The following SFMBT2 variants were observed in gnomAD, a reference collection of about 807,000 sequenced individuals.
SFMBT2 encodes the protein Scm like with four mbt domains 2.
Under a neutral mutation model 110.1 loss-of-function variants are expected in SFMBT2, and 38 were observed. The observed-to-expected ratio is 0.35, with a 90% CI of 0.27 to 0.45. The LOEUF (loss-of-function observed/expected upper bound fraction) is 0.45. Among genes scored for constraint, SFMBT2 ranks in the 20% least tolerant of loss-of-function variants. The probability of loss-of-function intolerance (pLI) is 1.00; values close to 1 mark genes in which losing one functional copy is unlikely to be tolerated. For missense variants in SFMBT2, 1,011 were observed against 1,094.9 expected, an observed-to-expected ratio of 0.92 and a Z score of 1.08; for synonymous variants, 425 against 425.4, an observed-to-expected ratio of 1.00 and a Z score of 0.01.
intron 16 of SFMBT2, among the ~76,000 whole-genome samples, chr10:7,185,285 C>G (rs1838364402): frequency 6.6e-6 from 1 of 152,174 alleles, no homozygotes; most frequent in Non-Finnish European, 1.5e-5. Flanking sequence ...GTTTTCAGGA[C>G]AGCAAACTAC....
Position 7,220,983 on chromosome 10 carries a change from T to C in SFMBT2, c.1204-446A>G, listed in dbSNP as rs563145330. ...CTGGGACTACAGGCACCTGCCATCA[T>C]GCCTGGCTAATTTTTTGTATTTTTA... On this transcript the variant is annotated intron_variant, in intron 10 of 20. Coordinates refer to ENST00000397167, the MANE Select transcript of SFMBT2 (RefSeq NM_001387889.1). Among the ~76,000 whole-genome samples, 8 of 152,122 alleles carry C rather than the reference T, an allele frequency of 5.3e-5. No individual in the cohort carries two copies. The East Asian group carries it at 1.4e-3, about 26-fold the overall frequency.
At chr10:7,200,667 T>C (rs575362583) in intron 13 of SFMBT2, among the ~76,000 whole-genome samples, 183 bp from the exon 14 acceptor site, 1 of 152,356 alleles carries the variant, frequency 6.6e-6, no homozygotes, top group South Asian at 2.1e-4. Flanking sequence ...TTCAGAAAAG[T>C]TGTTGTCCAA....
intron 11 of SFMBT2, among the ~76,000 whole-genome samples, chr10:7,216,259 T>C (rs1309350844): frequency 6.6e-6 from 1 of 152,156 alleles, no homozygotes; most frequent in African/African-American, 2.4e-5. Context: ...TCATCTTGAA[T>C]TGTAGCTCCC....
At chr10:7,210,214 C>T (rs773370578) in intron 11 of SFMBT2, among the ~76,000 whole-genome samples, 4 of 152,134 alleles carry the variant, frequency 2.6e-5, no homozygotes, top group Non-Finnish European at 5.9e-5. Flanking sequence ...TGACTGTAAT[C>T]GAGACAGTGA....
intron 4 of SFMBT2, among the ~76,000 whole-genome samples, chr10:7,315,858 TAATGTA>T (rs1451573454): frequency 1.3e-5 from 2 of 152,220 alleles, no homozygotes. Context: ...CTAGAAGTCT[TAATGTA>T]AAACCTGTAC....
rs1009352337 is a variant in SFMBT2, at chr10:7,301,499, T to C, written c.437-15545A>G. Among the ~76,000 whole-genome samples the C allele has an allele frequency of 5.6e-4, 86 of 152,328 alleles. No homozygotes were observed. The highest frequency in any genetic ancestry group is 1.9e-3 in the African/African-American group (81 of 41,570). ...CACAGGCCTGAAGGGGCCTGGGCTG[T>C]ATCTGCACACTCAGCCATCGGCAGT... On this transcript the variant is annotated intron_variant, in intron 4 of 20. Transcript: ENST00000397167. The surrounding 1 kb of genome is among the most constrained non-coding windows in gnomAD (Gnocchi z 4.2).
At chr10:7,320,183 C>T (rs1843143433) in intron 4 of SFMBT2, among the ~76,000 whole-genome samples, 1 of 152,254 alleles carries the variant, frequency 6.6e-6, no homozygotes, top group Non-Finnish European at 1.5e-5. Flanking sequence ...CACTGTCATA[C>T]ATGCGAAGTG....
intron 16 of SFMBT2, among the ~76,000 whole-genome samples, chr10:7,179,843 T>G (rs1338767090): frequency 6.6e-6 from 1 of 152,260 alleles, no homozygotes; most frequent in Non-Finnish European, 1.5e-5. Context: ...AACAAGTGTT[T>G]CAGTAAAAAC....
rs567127592 is a variant in SFMBT2 at position 7,179,444 on chromosome 10, C to T, written c.1809-3279G>A. On this transcript the variant is annotated intron_variant, in intron 16 of 20. Transcript: ENST00000397167. ...AAAGAAACAGCACAACTGGGAACAC[C>T]GTATGTTCCTCGTGTTGTGGGAAAT... Among the ~76,000 whole-genome samples the T allele has an allele frequency of 2.6e-4, 39 of 148,058 alleles. No homozygotes were observed. The South Asian group carries it at 4.3e-3, about 16-fold the overall frequency.
chr10:7,208,484 A>C (rs1232236217), intron 11 of SFMBT2, among the ~76,000 whole-genome samples: 1 of 152,194 alleles, frequency 6.6e-6, no homozygotes, highest in African/African-American at 2.4e-5. Context: ...CAGGAGTTCA[A>C]GACCAGCCTG....
intron 4 of SFMBT2, among the ~76,000 whole-genome samples, chr10:7,310,321 C>T (rs971957634): frequency 1.3e-5 from 2 of 152,180 alleles, no homozygotes; most frequent in Admixed American, 6.5e-5. Flanking sequence ...GAATGCCAGG[C>T]GCTGAGAACT....
At chr10:7,296,048 A>T (rs1398847944) in intron 4 of SFMBT2, among the ~76,000 whole-genome samples, 1 of 152,216 alleles carries the variant, frequency 6.6e-6, no homozygotes, top group African/African-American at 2.4e-5. Context: ...ACCACTCTGC[A>T]AGGTATCTTT....
intron 4 of SFMBT2, among the ~76,000 whole-genome samples, chr10:7,357,199 T>C (rs1161560648): frequency 2.0e-5 from 3 of 152,046 alleles, no homozygotes; most frequent in African/African-American, 7.2e-5. Context: ...GCGATTCAGC[T>C]CTAGCTCTGA....
intron 4 of SFMBT2, among the ~76,000 whole-genome samples, chr10:7,349,330 G>A (rs1844225823): frequency 1.3e-5 from 2 of 151,328 alleles, no homozygotes; most frequent in Admixed American, 6.6e-5. Context: ...CTCAGGCTTG[G>A]TTCAGAACCA....
intron 7 of SFMBT2, among the ~76,000 whole-genome samples, chr10:7,253,567 T>G (rs1391383443): frequency 1.3e-5 from 2 of 152,186 alleles, no homozygotes; most frequent in Admixed American, 1.3e-4. Flanking sequence ...CTCACAGAAA[T>G]GCATCTGTTT....
intron 4 of SFMBT2, among the ~76,000 whole-genome samples, chr10:7,365,385 C>T (rs982072410): frequency 7.2e-5 from 11 of 152,176 alleles, no homozygotes; most frequent in Non-Finnish European, 1.0e-4. Context: ...CCATGTAAGC[C>T]GCACTTTTAC....
rs560519352 is a variant in SFMBT2, at chr10:7,193,117, C to T, written c.1699-4384G>A. Among the ~76,000 whole-genome samples the T allele has an allele frequency of 3.3e-5, 5 of 152,300 alleles. No individual in the cohort carries two copies. In the South Asian group the frequency reaches 1.0e-3, roughly 32 times the overall value. The stretch of plus-strand genomic sequence containing the variant: ...ATTTCTACCTTTCTATAGAAGGTTA[C>T]AGCTCATCGATTTCCTTTCTATAAA... On this transcript the variant is annotated intron_variant, in intron 15 of 20. Transcript: ENST00000397167.
intron 4 of SFMBT2, among the ~76,000 whole-genome samples, chr10:7,361,710 T>C (rs1401744047): frequency 6.6e-6 from 1 of 151,958 alleles, no homozygotes; most frequent in East Asian, 1.9e-4. Context: ...ACGGGGAAAA[T>C]AAAAATTAGC....
At chr10:7,407,003 G>A (rs1252269628) in intron 1 of SFMBT2, among the ~76,000 whole-genome samples, 1 of 152,144 alleles carries the variant, frequency 6.6e-6, no homozygotes, top group Admixed American at 6.5e-5. Context: ...GAGGGAAGTG[G>A]AGAAGTGCGT....
Sources: gnomAD v4.1 joint callset for allele counts (sites outside exome capture counted in the v4.1 genomes callset) on GRCh38, gnomAD v4.1.1 for gene constraint, Gnocchi (gnomAD v3.1) non-coding constraint, MANE v1.5 for transcripts, NCBI Gene and HGNC (gene_info 2026-07-23, HGNC 2026-07-21) for gene names.